Variants in OTOGL observed in about 807,000 individuals in gnomAD.
The protein encoded by OTOGL is otogelin-like protein.
OTOGL carries 285 observed loss-of-function variants against 318.5 expected under a neutral mutation model. The ratio of observed to expected loss-of-function variants is 0.89; its 90% CI spans 0.81 to 0.99. OTOGL has a LOEUF of 0.99. OTOGL is among the 50% of genes least tolerant of loss of function. The pLI is 0.00. For missense variants in OTOGL, 2,899 were observed against 2,845.6 expected, an observed-to-expected ratio of 1.02 and a Z score of -0.43; for synonymous variants, 987 against 936.5, an observed-to-expected ratio of 1.05 and a Z score of -0.99.
chr12:80,327,774 A>T (rs1469060504), intron 35 of OTOGL, among the ~76,000 whole-genome samples: 3 of 151,464 alleles, frequency 2.0e-5, no homozygotes, highest in African/African-American at 7.3e-5. Context: ...CCTGGCTAAC[A>T]TGGTGAAACC....
At chr12:80,149,003 C>T (rs1011866172) in intron 1 of OTOGL, among the ~76,000 whole-genome samples, 1 of 152,122 alleles carries the variant, frequency 6.6e-6, no homozygotes, top group East Asian at 1.9e-4. Context: ...GTTTGAATGT[C>T]CTCCTGTAGC....
intron 57 of OTOGL, among the ~76,000 whole-genome samples, chr12:80,373,549 A>C (rs1891010912): frequency 6.6e-6 from 1 of 152,158 alleles, no homozygotes. Context: ...TTCATGAAAG[A>C]CTAAATCCCA....
At chr12:80,344,670 A>G (rs571726262) in intron 44 of OTOGL, among the ~76,000 whole-genome samples, 2 of 152,308 alleles carry the variant, frequency 1.3e-5, no homozygotes, top group Non-Finnish European at 2.9e-5. Flanking sequence ...GAATTTAAGG[A>G]TAATTACTAG....
Position 80,339,167 on chromosome 12 carries a change from A to G in OTOGL, c.4953A>G (p.Pro1651=), listed in dbSNP as rs1251932281. 1.2e-6 allele frequency: 2 copies of G among 1,611,208 alleles called. No homozygotes were observed. Among genetic ancestry groups the G allele is most frequent in the Admixed American group, 1.7e-5 (1 of 59,984 alleles). Residue 1651 remains proline, a synonymous_variant, in exon 43 of 59, where the codon CCA becomes CCG. Transcript: ENST00000547103. Reference sequence around the variant, plus strand: ...GTTCAATGTATGTAATTACTACTCCAGCTGGACTAATCATAAAGTGGTCTC... The same window carrying G: ...GTTCAATGTATGTAATTACTACTCCGGCTGGACTAATCATAAAGTGGTCTC... ...DSGSMYVITT[P]AGLIIKWSHL...
intron 4 of OTOGL, among the ~76,000 whole-genome samples, chr12:80,214,857 T>TC (rs1877564066): frequency 6.6e-6 from 1 of 152,146 alleles, no homozygotes; most frequent in Non-Finnish European, 1.5e-5. Flanking sequence ...ATAAATATGC[T>TC]CCAATTATAA....
rs148909058 is a variant in OTOGL at position 80,253,826 on chromosome 12, G to A, written c.1394+252G>A. 1.9e-3 allele frequency among the ~76,000 whole-genome samples: 296 copies of A among 151,850 alleles called. 1 individual carries two copies. The highest frequency in any genetic ancestry group is 2.1e-3 in the Admixed American group (32 of 15,242). ...AATGAGTCTGTTGCATTTTCTTATC[G>A]TTTGTAATCACTAATTTGCACATAC... On this transcript the variant is annotated intron_variant, in intron 14 of 58. Coordinates refer to ENST00000547103, the MANE Select transcript of OTOGL (RefSeq NM_001378609.3).
At chr12:80,109,983 G>T (rs1206443518) in intron 1 of OTOGL, among the ~76,000 whole-genome samples, 1 of 151,342 alleles carries the variant, frequency 6.6e-6, no homozygotes, top group Non-Finnish European at 1.5e-5. Context: ...GAACATGCAG[G>T]TTTGTTACAT....
intron 32 of OTOGL, among the ~76,000 whole-genome samples, chr12:80,318,000 TGAG>T (rs1887081246): frequency 6.6e-6 from 1 of 152,120 alleles, no homozygotes; most frequent in Non-Finnish European, 1.5e-5. Context: ...GATGGGTCAG[TGAG>T]GAGATTACAC....
At chr12:80,162,224 C>T (rs556372145) in intron 1 of OTOGL, among the ~76,000 whole-genome samples, 1 of 152,252 alleles carries the variant, frequency 6.6e-6, no homozygotes, top group African/African-American at 2.4e-5. Context: ...TGAGAAATGG[C>T]AATCACAAAA....
intron 1 of OTOGL, among the ~76,000 whole-genome samples, chr12:80,118,016 T>C (rs1269279677): frequency 6.6e-6 from 1 of 152,180 alleles, no homozygotes; most frequent in African/African-American, 2.4e-5. Context: ...GCCTGTTGTC[T>C]CATCACTGCC....
intron 24 of OTOGL, among the ~76,000 whole-genome samples, chr12:80,273,565 T>C (rs1883571454): frequency 6.6e-6 from 1 of 152,134 alleles, no homozygotes. Flanking sequence ...TAACACTATA[T>C]TTACTTCTTG....
At chr12:80,125,895 CA>C (rs1175641326) in intron 1 of OTOGL, among the ~76,000 whole-genome samples, 8 of 152,038 alleles carry the variant, frequency 5.3e-5, no homozygotes, top group African/African-American at 1.7e-4. Flanking sequence ...TCCCCTTTAT[CA>C]TTTTTTTATT....
At chr12:80,322,476 G>A (rs1887402753) in intron 34 of OTOGL, among the ~76,000 whole-genome samples, 1 of 152,154 alleles carries the variant, frequency 6.6e-6, no homozygotes, top group Non-Finnish European at 1.5e-5. Context: ...CTTTCAGGAT[G>A]CGTGAGACGA....
chr12:80,295,583 T>C (rs1370842935), intron 26 of OTOGL, among the ~76,000 whole-genome samples: 1 of 152,188 alleles, frequency 6.6e-6, no homozygotes, highest in East Asian at 1.9e-4. Flanking sequence ...CCTTTGAAAA[T>C]TGAACATTGA....
At chr12:80,333,149 A>G in intron 38 of OTOGL, 71 bp downstream of exon 38, 1 of 1,384,968 alleles carries the variant, frequency 7.2e-7, no homozygotes, top group Non-Finnish European at 1.0e-6. Context: ...CTGTGTCAAT[A>G]TCCAAATGCT....
At chr12:80,148,978 A>G (rs1357371288) in intron 1 of OTOGL, among the ~76,000 whole-genome samples, 1 of 151,998 alleles carries the variant, frequency 6.6e-6, no homozygotes, top group East Asian at 1.9e-4. Flanking sequence ...AAAGTTTTCA[A>G]CTTGTTTGCC....
At chr12:80,251,164 G>T (rs1187275483) in intron 11 of OTOGL, among the ~76,000 whole-genome samples, 1 of 152,140 alleles carries the variant, frequency 6.6e-6, no homozygotes, top group Non-Finnish European at 1.5e-5. Flanking sequence ...CTTATTGCAA[G>T]AACTGCTGAG....
At chr12:80,376,539 G>A (rs1033058571) in intron 57 of OTOGL, among the ~76,000 whole-genome samples, 1 of 152,178 alleles carries the variant, frequency 6.6e-6, no homozygotes, top group South Asian at 2.1e-4. Flanking sequence ...TGCATACAAA[G>A]TGTTTTCATT....
chr12:80,374,750 T>C (rs1891086159), intron 57 of OTOGL, among the ~76,000 whole-genome samples: 2 of 152,136 alleles, frequency 1.3e-5, no homozygotes, highest in South Asian at 4.1e-4. Context: ...TATATCCCCA[T>C]GTTAATTATT....
Sources: allele counts gnomAD v4.1 joint callset (sites outside exome capture counted in the v4.1 genomes callset), GRCh38; gene constraint gnomAD v4.1.1; transcripts MANE v1.5; gene names NCBI Gene and HGNC (gene_info 2026-07-23, HGNC 2026-07-21).